AMPH: variants seen among roughly 807,000 people sequenced by gnomAD.
AMPH encodes the protein amphiphysin, also known as amphiphysin (Stiff-Mann syndrome with breast cancer 128kD autoantigen).
A neutral mutation model predicts 99.1 loss-of-function variants in AMPH; 49 were observed. That is an observed-to-expected ratio of 0.49 (90% CI 0.39 to 0.63). The LOEUF is 0.63. Ranked by LOEUF, AMPH falls within the 20% of genes least tolerant of loss-of-function variation. AMPH has a pLI of 0.00. For synonymous variants in AMPH, 314 were observed against 317.3 expected (o/e 0.99, Z 0.11); for missense variants, 759 against 863.4 (o/e 0.88, Z 1.52).
intron 17 of AMPH, among the ~76,000 whole-genome samples, chr7:38,413,458 A>G (rs1020859807): frequency 6.6e-6 from 1 of 152,194 alleles, no homozygotes; most frequent in Non-Finnish European, 1.5e-5. Flanking sequence ...CCAAGACTGC[A>G]CTGTCAACTA....
chr7:38,623,260 A>T (rs183111522), intron 1 of AMPH, among the ~76,000 whole-genome samples: 1 of 152,304 alleles, frequency 6.6e-6, no homozygotes, highest in East Asian at 1.9e-4. Flanking sequence ...TTGGTCTATT[A>T]AAAAAGCTAG....
intron 1 of AMPH, among the ~76,000 whole-genome samples, chr7:38,553,492 C>T (rs1243729943): frequency 1.3e-5 from 2 of 152,200 alleles, no homozygotes; most frequent in Admixed American, 1.3e-4. Flanking sequence ...GAATAAAAAA[C>T]GATGTCTGGA....
At chr7:38,402,844 A>G (rs1784879749) in intron 17 of AMPH, among the ~76,000 whole-genome samples, 1 of 152,172 alleles carries the variant, frequency 6.6e-6, no homozygotes, top group African/African-American at 2.4e-5. Context: ...TCTAGAATAT[A>G]CTTTTGAAAT....
chr7:38,591,290 C>CTTTTT (rs67135369), intron 1 of AMPH, among the ~76,000 whole-genome samples: 1 of 138,744 alleles, frequency 7.2e-6, no homozygotes, highest in African/African-American at 2.7e-5. Flanking sequence ...TTTTCTTTTT[C>CTTTTT]TTTTTTTTTT....
chr7:38,601,680 A>C (rs1396282483), intron 1 of AMPH, among the ~76,000 whole-genome samples: 1 of 152,184 alleles, frequency 6.6e-6, no homozygotes, highest in Non-Finnish European at 1.5e-5. Flanking sequence ...TGGAATGGAA[A>C]GACTAGGACC....
At chr7:38,496,944 C>T (rs1444336509) in intron 3 of AMPH, among the ~76,000 whole-genome samples, 1 of 152,032 alleles carries the variant, frequency 6.6e-6, no homozygotes, top group Non-Finnish European at 1.5e-5. Flanking sequence ...ATGAATATAA[C>T]CTTAAAATAA....
chr7:38,405,419 A>G (rs1784956292), intron 17 of AMPH, among the ~76,000 whole-genome samples: 1 of 152,192 alleles, frequency 6.6e-6, no homozygotes, highest in Non-Finnish European at 1.5e-5. Flanking sequence ...ATTGGATTAA[A>G]AAAACAAAAC....
chr7:38,512,199 T>C (rs1470390688), intron 2 of AMPH, among the ~76,000 whole-genome samples: 1 of 152,242 alleles, frequency 6.6e-6, no homozygotes, highest in Non-Finnish European at 1.5e-5. Flanking sequence ...GTGTATGTCC[T>C]TCCTTTAGAT....
chr7:38,459,201 C>T (rs1346956872), intron 11 of AMPH, among the ~76,000 whole-genome samples: 1 of 151,798 alleles, frequency 6.6e-6, no homozygotes, highest in African/African-American at 2.4e-5. Context: ...AGGAAAACTA[C>T]AAAATACTGA....
intron 5 of AMPH, among the ~76,000 whole-genome samples, chr7:38,479,957 T>TA (rs1031905513): frequency 4.0e-5 from 6 of 151,584 alleles, no homozygotes; most frequent in African/African-American, 1.2e-4. Context: ...ATCTACAGTT[T>TA]AAAAAAAATC....
intron 1 of AMPH, among the ~76,000 whole-genome samples, chr7:38,573,126 A>T (rs1170453612): frequency 2.2e-4 from 33 of 152,162 alleles, no homozygotes. Context: ...TGTTGTCAAT[A>T]TCAAAAATAT....
At chr7:38,483,105 G>A (rs1471106016) in intron 5 of AMPH, among the ~76,000 whole-genome samples, 1 of 152,118 alleles carries the variant, frequency 6.6e-6, no homozygotes, top group African/African-American at 2.4e-5. Context: ...ACTTCTCAGT[G>A]AAGAGTGAAG....
intron 17 of AMPH, among the ~76,000 whole-genome samples, chr7:38,406,736 CTCTCTCTCT>C (rs1785014145): frequency 2.6e-5 from 2 of 76,906 alleles, no homozygotes; most frequent in Admixed American, 1.2e-4. Context: ...CTTTCCCTCT[CTCTCTCTCT>C]CTCTCTCTCT....
At chr7:38,492,766 G>T (rs10245053) in intron 4 of AMPH, among the ~76,000 whole-genome samples, 1 of 151,892 alleles carries the variant, frequency 6.6e-6, no homozygotes, top group Non-Finnish European at 1.5e-5. Context: ...AAAAGAAATG[G>T]CAATAGTGAC....
chr7:38,461,257 A>T, intron 11 of AMPH, 26 bp downstream of exon 11: 1 of 1,612,568 alleles, frequency 6.2e-7, no homozygotes, highest in Non-Finnish European at 8.5e-7. Context: ...TTTCATGGAC[A>T]TACCAGCCCT....
intron 1 of AMPH, among the ~76,000 whole-genome samples, chr7:38,601,930 C>T (rs1331201184): frequency 6.6e-6 from 1 of 152,188 alleles, no homozygotes; most frequent in Admixed American, 6.5e-5. Context: ...CTACCGAAGG[C>T]CTGTGTATTG....
rs185662463 is a variant in AMPH at position 38,484,708 on chromosome 7, T to A, written c.396+6342A>T. Among the ~76,000 whole-genome samples the A allele has an allele frequency of 1.1e-4, 17 of 152,128 alleles. No homozygotes were observed. The East Asian group carries it at 2.5e-3, about 22-fold the overall frequency. On this transcript the variant is annotated intron_variant, in intron 5 of 20. Transcript: ENST00000356264. ...AGACAAATACAGAATACTTTATTAC[T>A]GTAACAGTGGTGGGTAAATCACTTT...
At chr7:38,408,964 C>T (rs1785138140) in intron 17 of AMPH, among the ~76,000 whole-genome samples, 1 of 152,080 alleles carries the variant, frequency 6.6e-6, no homozygotes, top group South Asian at 2.1e-4. Context: ...TCATTGATAG[C>T]TATGTTCACA....
intron 1 of AMPH, among the ~76,000 whole-genome samples, chr7:38,594,094 G>T (rs2129059011): frequency 6.6e-6 from 1 of 152,296 alleles, no homozygotes; most frequent in South Asian, 2.1e-4. Context: ...GAAGAAGCAG[G>T]AAGCGAAGCT....
Sources: gnomAD v4.1 joint callset for allele counts (sites outside exome capture counted in the v4.1 genomes callset) on GRCh38, gnomAD v4.1.1 for gene constraint, MANE v1.5 for transcripts, NCBI Gene and HGNC (gene_info 2026-07-23, HGNC 2026-07-21) for gene names.